Variants in LPP observed in about 807,000 individuals in gnomAD.
LPP encodes the protein LIM domain containing preferred translocation partner in lipoma.
In LPP, 38 loss-of-function variants were observed where a neutral mutation model predicts 60.4. The ratio of observed to expected loss-of-function variants is 0.63; its 90% CI spans 0.49 to 0.83. The LOEUF (loss-of-function observed/expected upper bound fraction) is 0.83. Among genes scored for constraint, LPP ranks in the 40% least tolerant of loss-of-function variants. The probability of loss-of-function intolerance (pLI) is 0.00; values close to 1 mark genes in which losing one functional copy is unlikely to be tolerated. For synonymous variants in LPP, 328 were observed against 290.8 expected, an observed-to-expected ratio of 1.13 and a Z score of -1.30; for missense variants, 902 against 783.6, an observed-to-expected ratio of 1.15 and a Z score of -1.80.
chr3:188,856,965 T>C (rs1410171460), intron 9 of LPP, among the ~76,000 whole-genome samples: 2 of 152,202 alleles, frequency 1.3e-5, no homozygotes, highest in African/African-American at 4.8e-5. Flanking sequence ...TAAGTAATTA[T>C]GTTAATTTTA....
At position 188,499,063 on chromosome 3, in the gene LPP, G is replaced by A. The variant is rs1046586937; in HGVS notation, c.306+14359G>A. On this transcript the variant is annotated intron_variant, in intron 5 of 11. Transcript: ENST00000617246. ...ATTCTGAATATTAATCCCTTATCAGGTATGATTTGATAATACTTTCTCCCA... is the reference window on the plus strand; with the variant it reads ...ATTCTGAATATTAATCCCTTATCAGATATGATTTGATAATACTTTCTCCCA... Among the ~76,000 whole-genome samples the A allele has an allele frequency of 4.0e-5, 6 of 151,844 alleles. No homozygotes were observed. In the South Asian group the frequency reaches 1.0e-3, roughly 26 times the overall value.
intron 3 of LPP, among the ~76,000 whole-genome samples, chr3:188,374,102 T>C (rs1452169921): frequency 6.6e-6 from 1 of 152,202 alleles, no homozygotes; most frequent in Non-Finnish European, 1.5e-5. Context: ...GCTGCTTTGG[T>C]TACTGTAACC....
intron 8 of LPP, among the ~76,000 whole-genome samples, chr3:188,726,219 G>A (rs555775854): frequency 6.6e-6 from 1 of 152,188 alleles, no homozygotes; most frequent in South Asian, 2.1e-4. Context: ...ACTTGTCTAA[G>A]GGGAATAAGG....
At chr3:188,324,662 A>G (rs937480919) in intron 2 of LPP, among the ~76,000 whole-genome samples, 6 of 152,194 alleles carry the variant, frequency 3.9e-5, no homozygotes, top group Non-Finnish European at 4.4e-5. Flanking sequence ...TGCCATGACT[A>G]TGGCAATAGT....
intron 9 of LPP, among the ~76,000 whole-genome samples, chr3:188,772,630 G>A (rs1472370420): frequency 6.6e-6 from 1 of 152,094 alleles, no homozygotes; most frequent in African/African-American, 2.4e-5. Flanking sequence ...GAGTAGCTGG[G>A]ACTACAGGTG....
intron 2 of LPP, among the ~76,000 whole-genome samples, chr3:188,241,513 T>G (rs971589988): frequency 6.6e-6 from 1 of 152,226 alleles, no homozygotes; most frequent in African/African-American, 2.4e-5. Context: ...TTATGTTGAT[T>G]TGTTTTTATT....
At chr3:188,652,941 C>A (rs145295539) in intron 7 of LPP, among the ~76,000 whole-genome samples, 330 of 152,262 alleles carry the variant, frequency 2.2e-3, no homozygotes, top group African/African-American at 7.5e-3. Flanking sequence ...AATGTCTAAG[C>A]TCCTCACACC....
intron 6 of LPP, among the ~76,000 whole-genome samples, chr3:188,556,333 T>G (rs1829451290): frequency 6.6e-6 from 1 of 151,706 alleles, no homozygotes; most frequent in Admixed American, 6.6e-5. Context: ...TGTGCTTCAG[T>G]TTTTTTTGTT....
intron 6 of LPP, among the ~76,000 whole-genome samples, chr3:188,533,565 G>A (rs1822776382): frequency 6.6e-6 from 1 of 152,210 alleles, no homozygotes; most frequent in Admixed American, 6.5e-5. Context: ...GGCATTGTCT[G>A]CTTAATAATA....
At chr3:188,163,481 T>C in intron 1 of LPP, among the ~76,000 whole-genome samples, 1 of 152,232 alleles carries the variant, frequency 6.6e-6, no homozygotes, top group Admixed American at 6.5e-5. Flanking sequence ...GTGTTCCTTT[T>C]TACTCTCATA....
chr3:188,648,581 T>C (rs945657196), intron 7 of LPP, among the ~76,000 whole-genome samples: 2 of 152,194 alleles, frequency 1.3e-5, no homozygotes, highest in African/African-American at 4.8e-5. Flanking sequence ...TTCTGTCCTG[T>C]TTGTCTCTCC....
intron 2 of LPP, among the ~76,000 whole-genome samples, chr3:188,300,820 A>G (rs1420424776): frequency 6.6e-6 from 1 of 152,206 alleles, no homozygotes; most frequent in Non-Finnish European, 1.5e-5. Flanking sequence ...GTTGCTGGGC[A>G]CATATATAAT....
Position 188,730,688 on chromosome 3 carries a change from C to G in LPP, c.1240+22295C>G, listed in dbSNP as rs538966087. ...TGTTTATGATACCTCTAAACTTAGG[C>G]CTTAAAACAACACAATCTGTGATCT... On this transcript the variant is annotated intron_variant, in intron 8 of 11. Coordinates refer to ENST00000617246, the MANE Select transcript of LPP (RefSeq NM_001375462.1). Among the ~76,000 whole-genome samples, 3 of 152,216 alleles carry G rather than the reference C, an allele frequency of 2.0e-5. No individual in the cohort carries two copies. In the South Asian group the frequency reaches 6.2e-4, roughly 32 times the overall value.
intron 1 of LPP, among the ~76,000 whole-genome samples, chr3:188,158,641 C>T (rs1717246878): frequency 6.6e-6 from 1 of 152,096 alleles, no homozygotes; most frequent in Admixed American, 6.5e-5. Flanking sequence ...CAAATGCTTA[C>T]CACCTGTTAT....
intron 1 of LPP, among the ~76,000 whole-genome samples, chr3:188,207,621 CTTTTTT>C (rs77534309): frequency 7.6e-6 from 1 of 131,312 alleles, no homozygotes; most frequent in Non-Finnish European, 1.6e-5. Context: ...TCTTTTTCTT[CTTTTTT>C]TTTTTTTTTT....
chr3:188,759,946 G>A (rs542680118), intron 8 of LPP, among the ~76,000 whole-genome samples, 167 bp from the exon 9 acceptor site: 3 of 152,274 alleles, frequency 2.0e-5, no homozygotes, highest in Admixed American at 6.5e-5. Flanking sequence ...AGGGGTGGCT[G>A]TACTGGTGAT....
intron 9 of LPP, among the ~76,000 whole-genome samples, chr3:188,796,340 T>C (rs894972488): frequency 2.6e-5 from 4 of 152,126 alleles, no homozygotes; most frequent in Admixed American, 2.6e-4. Flanking sequence ...AGGATGAGTT[T>C]TGAGAGATAA....
chr3:188,794,859 C>T (rs929359359), intron 9 of LPP, among the ~76,000 whole-genome samples: 2 of 152,054 alleles, frequency 1.3e-5, no homozygotes, highest in Non-Finnish European at 2.9e-5. Flanking sequence ...AATTTGAGGC[C>T]GGGTGCGGAG....
At chr3:188,571,187 A>G (rs1487475378) in intron 6 of LPP, among the ~76,000 whole-genome samples, 1 of 152,108 alleles carries the variant, frequency 6.6e-6, no homozygotes, top group East Asian at 1.9e-4. Context: ...TCAAGCACAC[A>G]TTTGGCCCTC....
Sources: gnomAD v4.1 joint callset for allele counts (sites outside exome capture counted in the v4.1 genomes callset) on GRCh38, gnomAD v4.1.1 for gene constraint, MANE v1.5 for transcripts, NCBI Gene and HGNC (gene_info 2026-07-23, HGNC 2026-07-21) for gene names.